CNTNAP5: variants seen among roughly 807,000 people sequenced by gnomAD.
The protein encoded by CNTNAP5 is contactin associated protein family member 5.
CNTNAP5 carries 72 observed loss-of-function variants against 150.2 expected under a neutral mutation model. The ratio of observed to expected loss-of-function variants is 0.48; its 90% CI spans 0.40 to 0.58. The LOEUF is 0.58. CNTNAP5 is among the 20% of genes least tolerant of loss of function. The probability of loss-of-function intolerance (pLI) is 0.00; values close to 1 mark genes in which losing one functional copy is unlikely to be tolerated. For missense variants in CNTNAP5, 1,636 were observed against 1,626.2 expected, an observed-to-expected ratio of 1.01 and a Z score of -0.10; for synonymous variants, 672 against 619.8, an observed-to-expected ratio of 1.08 and a Z score of -1.25.
chr2:124,145,681 T>A (rs1334583600), intron 1 of CNTNAP5, among the ~76,000 whole-genome samples: 1 of 126,322 alleles, frequency 7.9e-6, no homozygotes, highest in Non-Finnish European at 1.6e-5. Context: ...CATTGGGAGA[T>A]ATACCTAATG....
At chr2:124,856,692 A>G (rs1259480445) in intron 19 of CNTNAP5, among the ~76,000 whole-genome samples, 2 of 152,130 alleles carry the variant, frequency 1.3e-5, no homozygotes, top group African/African-American at 4.8e-5. Flanking sequence ...ATAATAATAA[A>G]ATGCCTTGCT....
At chr2:124,040,048 T>C (rs1055906806) in intron 1 of CNTNAP5, among the ~76,000 whole-genome samples, 2 of 152,164 alleles carry the variant, frequency 1.3e-5, no homozygotes, top group East Asian at 3.9e-4. Context: ...AGATGATGAA[T>C]TGAAATGGTC....
chr2:124,721,011 C>T (rs75633461), intron 13 of CNTNAP5, among the ~76,000 whole-genome samples: 3,903 of 152,180 alleles, frequency 0.026, 175 homozygotes, highest in African/African-American at 0.09. Flanking sequence ...CTGTTTCCAT[C>T]TTTCCCGTAC....
At chr2:124,798,704 A>G (rs1422280616) in intron 19 of CNTNAP5, among the ~76,000 whole-genome samples, 1 of 152,204 alleles carries the variant, frequency 6.6e-6, no homozygotes, top group Non-Finnish European at 1.5e-5. Flanking sequence ...GAGGGCTGTT[A>G]AAACAATGAG....
intron 3 of CNTNAP5, among the ~76,000 whole-genome samples, chr2:124,364,309 C>G (rs908230914): frequency 2.0e-5 from 3 of 152,282 alleles, no homozygotes; most frequent in Middle Eastern, 3.4e-3. Flanking sequence ...CCTTTAACCC[C>G]CCTTTTATTT....
At chr2:124,313,592 T>A (rs1688886782) in intron 3 of CNTNAP5, among the ~76,000 whole-genome samples, 1 of 152,214 alleles carries the variant, frequency 6.6e-6, no homozygotes, top group South Asian at 2.1e-4. Flanking sequence ...TCTCTTGACC[T>A]AAAAACAAGA....
chr2:124,134,256 A>G (rs962966211), intron 1 of CNTNAP5, among the ~76,000 whole-genome samples: 41 of 152,158 alleles, frequency 2.7e-4, no homozygotes, highest in African/African-American at 9.7e-4. Context: ...TTCCTGGAGT[A>G]AAAGAAAAGA....
intron 12 of CNTNAP5, among the ~76,000 whole-genome samples, chr2:124,634,438 G>A (rs1034403035): frequency 1.3e-5 from 2 of 152,118 alleles, no homozygotes; most frequent in African/African-American, 4.8e-5. Context: ...AGTGACCTTT[G>A]CTCCAGTTCC....
chr2:124,613,113 A>G (rs546920834), intron 12 of CNTNAP5, among the ~76,000 whole-genome samples: 3 of 152,328 alleles, frequency 2.0e-5, no homozygotes, highest in East Asian at 3.9e-4. Context: ...GCTGAACTAC[A>G]CAACTCTCAT....
intron 3 of CNTNAP5, among the ~76,000 whole-genome samples, chr2:124,271,065 C>T (rs1479100902): frequency 1.3e-5 from 2 of 151,880 alleles, no homozygotes; most frequent in South Asian, 2.1e-4. Context: ...TCCCTGTGGT[C>T]GTGAGCAATC....
At chr2:124,149,373 A>G (rs181612717) in intron 1 of CNTNAP5, among the ~76,000 whole-genome samples, 12 of 145,802 alleles carry the variant, frequency 8.2e-5, no homozygotes, top group African/African-American at 2.8e-4. Context: ...ATTTGCTAGC[A>G]TACCATGTGT....
intron 1 of CNTNAP5, among the ~76,000 whole-genome samples, chr2:124,154,019 A>C (rs1354732091): frequency 2.0e-5 from 3 of 152,052 alleles, no homozygotes; most frequent in Non-Finnish European, 4.4e-5. Flanking sequence ...ATGCCATCCC[A>C]GCGGAGATTG....
Position 124,916,067 on chromosome 2 carries a change from C to A in CNTNAP5, c.*1779C>A, listed in dbSNP as rs1678762610. 6.6e-6 allele frequency among the ~76,000 whole-genome samples: 1 copy of A among 152,066 alleles called. No individual in the cohort carries two copies. Among genetic ancestry groups the A allele is most frequent in the African/African-American group, 2.4e-5 (1 of 41,432 alleles). ...GGAACTTAGTTGCTTCATTCCATTT[C>A]AAACACAGCTTTTCTTTCAGTTTCA... is the stretch of plus-strand genomic sequence containing the variant. On this transcript the variant is annotated 3_prime_UTR_variant, in exon 24 of 24. Transcript: ENST00000682447.
chr2:124,241,551 T>C (rs1270296325), intron 2 of CNTNAP5, among the ~76,000 whole-genome samples: 1 of 152,200 alleles, frequency 6.6e-6, no homozygotes, highest in Non-Finnish European at 1.5e-5. Context: ...TTACCTCTTG[T>C]GATGGTTTCT....
intron 3 of CNTNAP5, among the ~76,000 whole-genome samples, chr2:124,298,034 G>A (rs1264802308): frequency 6.6e-6 from 1 of 151,846 alleles, no homozygotes; most frequent in Non-Finnish European, 1.5e-5. Context: ...TAGTAGAGAT[G>A]GGGTTTTACC....
At chr2:124,272,334 A>C (rs954232970) in intron 3 of CNTNAP5, among the ~76,000 whole-genome samples, 1 of 152,140 alleles carries the variant, frequency 6.6e-6, no homozygotes, top group Non-Finnish European at 1.5e-5. Context: ...TCTGGCAATA[A>C]ACTTTACTTT....
intron 3 of CNTNAP5, among the ~76,000 whole-genome samples, chr2:124,366,248 G>T (rs964217063): frequency 1.3e-5 from 2 of 152,110 alleles, no homozygotes; most frequent in African/African-American, 4.8e-5. Flanking sequence ...ATGCAGCACT[G>T]CATATAAAGC....
intron 2 of CNTNAP5, among the ~76,000 whole-genome samples, chr2:124,239,511 A>G (rs569305389): frequency 1.7e-4 from 26 of 152,308 alleles, no homozygotes; most frequent in African/African-American, 6.0e-4. Context: ...TACGCAATAA[A>G]TCACATATGA....
At chr2:124,733,155 C>T (rs1158947365) in intron 13 of CNTNAP5, among the ~76,000 whole-genome samples, 1 of 152,140 alleles carries the variant, frequency 6.6e-6, no homozygotes, top group Non-Finnish European at 1.5e-5. Flanking sequence ...TAAACACACA[C>T]ACACACACAT....
Sources: allele counts gnomAD v4.1 joint callset (sites outside exome capture counted in the v4.1 genomes callset), GRCh38; gene constraint gnomAD v4.1.1; transcripts MANE v1.5; gene names NCBI Gene and HGNC (gene_info 2026-07-23, HGNC 2026-07-21).